ACBD6: variants seen among roughly 807,000 people sequenced by gnomAD.
ACBD6 encodes the protein acyl-CoA binding domain containing 6.
Under a neutral mutation model 37.2 loss-of-function variants are expected in ACBD6, and 28 were observed. The observed-to-expected ratio is 0.75, with a 90% CI of 0.56 to 1.03. The LOEUF (loss-of-function observed/expected upper bound fraction) is 1.03. ACBD6 is among the 50% of genes least tolerant of loss of function. ACBD6 has a pLI of 0.00. For synonymous variants in ACBD6, 113 were observed against 126.8 expected, an observed-to-expected ratio of 0.89 and a Z score of 0.73; for missense variants, 340 against 337.4, an observed-to-expected ratio of 1.01 and a Z score of -0.06.
intron 3 of ACBD6, among the ~76,000 whole-genome samples, chr1:180,457,699 G>C (rs1013799979): frequency 6.6e-6 from 1 of 151,312 alleles, no homozygotes; most frequent in Non-Finnish European, 1.5e-5. Context: ...AGAAGCCAGA[G>C]AATTTTCACA....
intron 3 of ACBD6, chr1:180,435,860 T>A: frequency 2.3e-6 from 3 of 1,316,512 alleles, no homozygotes; most frequent in Non-Finnish European, 3.3e-6. Context: ...AGGTATCAAA[T>A]TGACACTGTC....
chr1:180,296,603 G>A (rs1649928256), intron 7 of ACBD6, among the ~76,000 whole-genome samples: 1 of 151,862 alleles, frequency 6.6e-6, no homozygotes, highest in South Asian at 2.1e-4. Context: ...GCTAATTTTT[G>A]TATTTTTGGT....
At chr1:180,307,184 G>A (rs1445495274) in intron 7 of ACBD6, among the ~76,000 whole-genome samples, 1 of 152,194 alleles carries the variant, frequency 6.6e-6, no homozygotes, top group Non-Finnish European at 1.5e-5. Flanking sequence ...ATAAAAAAGA[G>A]TGAGATTCTG....
At chr1:180,392,967 C>A (rs1484566967) in intron 6 of ACBD6, among the ~76,000 whole-genome samples, 2 of 152,186 alleles carry the variant, frequency 1.3e-5, no homozygotes, top group Non-Finnish European at 2.9e-5. Flanking sequence ...CACAGATGCT[C>A]CTACTCCTCC....
At chr1:180,379,908 C>T (rs147480380) in intron 6 of ACBD6, among the ~76,000 whole-genome samples, 44 of 152,256 alleles carry the variant, frequency 2.9e-4, no homozygotes, top group African/African-American at 1.0e-3. Flanking sequence ...GCTCAAAGAT[C>T]CCCAAATAGA....
rs557185685 is a variant in ACBD6, at chr1:180,502,143, G to C, written c.124C>G (p.Leu42Val). 1.2e-4 allele frequency: 192 copies of C among 1,613,964 alleles called. No individual in the cohort carries two copies. The highest frequency in any genetic ancestry group is 1.6e-4 in the Non-Finnish European group (191 of 1,180,004). ...HSPEIEETSC[L>V]AELFEKAAAH... The stretch of plus-strand genomic sequence containing the variant: ...GCAGCCTTCTCAAACAGCTCGGCCA[G>C]GCAACTGGTCTCCTCGATCTCAGGG... The change falls in exon 1 of 8, where the codon CTG (leucine) becomes GTG (valine). Residue 42 changes from leucine to valine, a missense_variant. Leu to Val is a conservative substitution (Grantham distance 32). Transcript: ENST00000367595.
intron 9 of ACBD6, chr1:180,277,188 G>A (rs1334962890): frequency 6.6e-6 from 1 of 152,226 alleles, no homozygotes; most frequent in African/African-American, 2.4e-5. Context: ...CTCCCTACAG[G>A]TTGGGTTAGC....
chr1:180,497,959 G>A (rs1407050487), intron 1 of ACBD6, among the ~76,000 whole-genome samples: 3 of 152,168 alleles, frequency 2.0e-5, no homozygotes. Context: ...CGAGGAATCT[G>A]AACTCATATC....
chr1:180,301,262 A>G (rs1339660645), intron 7 of ACBD6, among the ~76,000 whole-genome samples: 1 of 152,148 alleles, frequency 6.6e-6, no homozygotes, highest in African/African-American at 2.4e-5. Context: ...TTGAGTCTTG[A>G]ACAACATGGG....
intron 7 of ACBD6, among the ~76,000 whole-genome samples, chr1:180,306,434 C>T (rs116040867): frequency 2.7e-3 from 409 of 152,220 alleles, no homozygotes; most frequent in African/African-American, 9.4e-3. Flanking sequence ...CTCAGAAGCA[C>T]GCGTGCCCTG....
chr1:180,366,364 G>A (rs561893777), intron 6 of ACBD6, among the ~76,000 whole-genome samples: 3 of 152,086 alleles, frequency 2.0e-5, no homozygotes, highest in Non-Finnish European at 4.4e-5. Flanking sequence ...TGGTGAAGAC[G>A]GTAGGTTTTC....
chr1:180,330,255 T>A (rs1375462089), intron 6 of ACBD6, among the ~76,000 whole-genome samples: 1 of 100,946 alleles, frequency 9.9e-6, no homozygotes, highest in Admixed American at 9.3e-5. Context: ...TCTATAAGAA[T>A]TTTTTTTTTT....
chr1:180,502,075 C>T lies in ACBD6; in HGVS notation c.192G>A (p.Gln64=). ...QGLIQVASRE[Q]LLYLYARYKQ... ...TGTACCTGGCATACAGGTACAAGAG[C>T]TGCTCCCTGCTGGCCACCTGAATCA... The change falls in exon 1 of 8, where the codon CAG becomes CAA. Residue 64 remains glutamine, a synonymous_variant. Transcript: ENST00000367595. 1 of 1,613,828 alleles carries T rather than the reference C, an allele frequency of 6.2e-7. No homozygotes were observed. Among genetic ancestry groups the T allele is most frequent in the Admixed American group, 1.7e-5 (1 of 59,992 alleles).
intron 13 of ACBD6, chr1:180,271,997 A>G (rs758663981): frequency 3.7e-6 from 6 of 1,612,296 alleles, no homozygotes; most frequent in African/African-American, 1.3e-5. Flanking sequence ...CAGTGAGCTG[A>G]GCTTCCGAGG....
At chr1:180,454,992 C>T (rs1463347441) in intron 3 of ACBD6, among the ~76,000 whole-genome samples, 1 of 152,124 alleles carries the variant, frequency 6.6e-6, no homozygotes, top group African/African-American at 2.4e-5. Flanking sequence ...ACTAGAAATA[C>T]CATTTGACCC....
intron 7 of ACBD6, among the ~76,000 whole-genome samples, chr1:180,310,936 C>T (rs1216023384): frequency 6.6e-6 from 1 of 152,090 alleles, no homozygotes; most frequent in African/African-American, 2.4e-5. Flanking sequence ...AAGGGTCTCT[C>T]GTGTTTCTGC....
At chr1:180,483,560 G>A (rs1276683367) in intron 3 of ACBD6, among the ~76,000 whole-genome samples, 1 of 152,056 alleles carries the variant, frequency 6.6e-6, no homozygotes, top group East Asian at 1.9e-4. Context: ...AAACTAATGT[G>A]TGAAATAAAT....
intron 7 of ACBD6, among the ~76,000 whole-genome samples, chr1:180,292,227 T>C (rs561111870): frequency 9.8e-5 from 15 of 152,310 alleles, no homozygotes; most frequent in Non-Finnish European, 1.6e-4. Context: ...GGGATTCTGA[T>C]TGGGACCCCG....
intron 5 of ACBD6, among the ~76,000 whole-genome samples, chr1:180,411,704 T>C (rs948115348): frequency 1.3e-5 from 2 of 152,224 alleles, no homozygotes; most frequent in Admixed American, 6.5e-5. Flanking sequence ...CTCGCTCTGT[T>C]GCCCAGGCTG....
Sources: gnomAD v4.1 joint callset for allele counts (sites outside exome capture counted in the v4.1 genomes callset) on GRCh38, gnomAD v4.1.1 for gene constraint, MANE v1.5 for transcripts, NCBI Gene and HGNC (gene_info 2026-07-23, HGNC 2026-07-21) for gene names.